The following RABGAP1L variants were observed in gnomAD, a reference collection of about 807,000 sequenced individuals.
The protein encoded by RABGAP1L is rab GTPase-activating protein 1-like.
RABGAP1L carries 63 observed loss-of-function variants against 137.7 expected under a neutral mutation model. That is an observed-to-expected ratio of 0.46 (90% confidence interval 0.37 to 0.56). The LOEUF (loss-of-function observed/expected upper bound fraction) is 0.56, where lower values mean the gene tolerates loss of function less well. Ranked by LOEUF, RABGAP1L falls within the 20% of genes least tolerant of loss-of-function variation. The pLI is 0.00. For synonymous variants in RABGAP1L, 431 were observed against 433.7 expected (o/e 0.99, Z 0.08); for missense variants, 1,095 against 1,244.0 (o/e 0.88, Z 1.80).
At chr1:174,477,830 G>A (rs1295685070) in intron 13 of RABGAP1L, among the ~76,000 whole-genome samples, 4 of 152,102 alleles carry the variant, frequency 2.6e-5, no homozygotes, top group East Asian at 1.9e-4. Flanking sequence ...TCCAGTAAGT[G>A]CTTTGAGATC....
chr1:174,427,436 C>A (rs1021183225), intron 13 of RABGAP1L, among the ~76,000 whole-genome samples: 10 of 152,022 alleles, frequency 6.6e-5, no homozygotes, highest in Non-Finnish European at 1.5e-4. Flanking sequence ...TTATTCTTTC[C>A]TTTCCCAATT....
chr1:174,904,713 G>T (rs1658742944), intron 19 of RABGAP1L, among the ~76,000 whole-genome samples: 1 of 152,016 alleles, frequency 6.6e-6, no homozygotes, highest in African/African-American at 2.4e-5. Flanking sequence ...GCAGTGGCGT[G>T]AACACAGCTC....
At chr1:174,798,419 A>C (rs956924558) in intron 18 of RABGAP1L, among the ~76,000 whole-genome samples, 1 of 151,926 alleles carries the variant, frequency 6.6e-6, no homozygotes, top group South Asian at 2.1e-4. Context: ...AAAAAAAAAG[A>C]AATCATTTTT....
chr1:174,988,772 G>A lies in RABGAP1L; in HGVS notation c.2937G>A (p.Leu979=). 6.5e-7 allele frequency: 1 copy of A among 1,550,278 alleles called. No homozygotes were observed. Among genetic ancestry groups the A allele is most frequent in the African/African-American group, 1.4e-5 (1 of 73,162 alleles). Residue 979 remains leucine (L), a synonymous_variant, in exon 25 of 26, where the codon CTG becomes CTA. Transcript: ENST00000681986. ...AGAAGGACTCACTTAAGAAGCAGCT[G>A]AGAGAGATGGAACTGGAACTGGCAC... is the stretch of plus-strand genomic sequence containing the variant. ...DDEKDSLKKQ[L]REMELELAQT...
intron 11 of RABGAP1L, among the ~76,000 whole-genome samples, chr1:174,316,711 C>A (rs1202577696): frequency 6.6e-6 from 1 of 152,208 alleles, no homozygotes; most frequent in East Asian, 1.9e-4. Context: ...GTGGCAAAGC[C>A]AGCCATGCCT....
intron 19 of RABGAP1L, among the ~76,000 whole-genome samples, chr1:174,932,327 AAT>A (rs1366651930): frequency 5.9e-5 from 9 of 151,610 alleles, no homozygotes; most frequent in Non-Finnish European, 1.0e-4. Flanking sequence ...CTCAGCCTGG[AAT>A]AGTTTCTCAG....
At chr1:174,573,751 A>G (rs1316691802) in intron 13 of RABGAP1L, among the ~76,000 whole-genome samples, 1 of 120,268 alleles carries the variant, frequency 8.3e-6, no homozygotes, top group Non-Finnish European at 1.6e-5. Context: ...ATAATAAACT[A>G]TTGAATGCAA....
chr1:174,289,996 G>A (rs1418997018), intron 10 of RABGAP1L, among the ~76,000 whole-genome samples: 5 of 152,162 alleles, frequency 3.3e-5, no homozygotes, highest in African/African-American at 4.8e-5. Context: ...CATTGGCTAG[G>A]CTCCCTGGTT....
chr1:174,696,010 C>G (rs1679228789), intron 15 of RABGAP1L, among the ~76,000 whole-genome samples: 1 of 152,140 alleles, frequency 6.6e-6, no homozygotes, highest in African/African-American at 2.4e-5. Flanking sequence ...GACACAAGCA[C>G]TAGCCACCAC....
chr1:174,221,270 G>A, intron 3 of RABGAP1L, 106 bp downstream of exon 3: 2 of 930,002 alleles, frequency 2.2e-6, no homozygotes, highest in Non-Finnish European at 3.1e-6. Flanking sequence ...CAAGCTTTCA[G>A]TTCTTGTTGA....
At chr1:174,431,194 G>A (rs747964449) in intron 13 of RABGAP1L, among the ~76,000 whole-genome samples, 36 of 152,056 alleles carry the variant, frequency 2.4e-4, no homozygotes, top group Non-Finnish European at 3.4e-4. Context: ...AATATCTTAA[G>A]GTTCAACTTT....
intron 13 of RABGAP1L, among the ~76,000 whole-genome samples, chr1:174,589,319 G>C (rs1669370250): frequency 6.6e-6 from 1 of 151,964 alleles, no homozygotes; most frequent in Non-Finnish European, 1.5e-5. Flanking sequence ...TTTCTATTGA[G>C]TTGTTGGAGC....
chr1:174,877,350 C>G, intron 19 of RABGAP1L: 691 of 960,224 alleles, frequency 7.2e-4, no homozygotes, highest in Middle Eastern at 1.9e-3. Flanking sequence ...CTTTCTCTTT[C>G]TTTCTTTCTG....
chr1:174,265,176 A>G (rs1558082886), intron 7 of RABGAP1L, among the ~76,000 whole-genome samples: 1 of 152,226 alleles, frequency 6.6e-6, no homozygotes, highest in Non-Finnish European at 1.5e-5. Flanking sequence ...AATTGTAAAA[A>G]TACTTGTAAA....
intron 20 of RABGAP1L, chr1:174,957,894 G>A (rs749367277): frequency 5.1e-6 from 8 of 1,581,616 alleles, no homozygotes; most frequent in South Asian, 1.2e-5. Context: ...CTTTCAGTTT[G>A]TATATTTGTA....
At chr1:174,930,339 T>C (rs947714939) in intron 19 of RABGAP1L, among the ~76,000 whole-genome samples, 4 of 151,626 alleles carry the variant, frequency 2.6e-5, no homozygotes, top group African/African-American at 9.7e-5. Context: ...TCTTTTTTTT[T>C]TTTTTGAGAC....
rs575225594 is a variant in RABGAP1L, at chr1:174,460,012, C to T, written c.1710+65867C>T. Among the ~76,000 whole-genome samples, 12 of 152,148 alleles carry T rather than the reference C, an allele frequency of 7.9e-5. No homozygotes were observed. The South Asian group carries it at 8.3e-4, about 11-fold the overall frequency. On this transcript the variant is annotated intron_variant, in intron 13 of 25. Transcript: ENST00000681986. ...CTTCTGCCTTTTTCAGACCAGTCAA[C>T]GGACTGAAGGGTCTTAAGAAAAGAC... is the stretch of plus-strand genomic sequence containing the variant.
At chr1:174,505,727 G>A (rs1207985383) in intron 13 of RABGAP1L, among the ~76,000 whole-genome samples, 1 of 152,100 alleles carries the variant, frequency 6.6e-6, no homozygotes, top group African/African-American at 2.4e-5. Flanking sequence ...AACCATTATG[G>A]AAAACAGCAT....
At chr1:174,522,574 GAA>G (rs972682000) in intron 13 of RABGAP1L, among the ~76,000 whole-genome samples, 1 of 150,788 alleles carries the variant, frequency 6.6e-6, no homozygotes, top group Non-Finnish European at 1.5e-5. Context: ...CGAGGGAAGG[GAA>G]AAAAAAGAAA....
Sources: allele counts gnomAD v4.1 joint callset (sites outside exome capture counted in the v4.1 genomes callset), GRCh38; gene constraint gnomAD v4.1.1; transcripts MANE v1.5; gene names NCBI Gene and HGNC (gene_info 2026-07-23, HGNC 2026-07-21).